The following NSMAF variants were observed in gnomAD, a reference collection of about 807,000 sequenced individuals.
NSMAF encodes the protein protein FAN.
NSMAF carries 90 observed loss-of-function variants against 134.9 expected under a neutral mutation model. That is an observed-to-expected ratio of 0.67 (90% CI 0.56 to 0.79). The LOEUF is 0.79. NSMAF is among the 30% of genes least tolerant of loss of function. NSMAF has a pLI of 0.00. For synonymous variants in NSMAF, 358 were observed against 389.6 expected (o/e 0.92, Z 0.96); for missense variants, 1,010 against 1,119.0 (o/e 0.90, Z 1.39).
intron 23 of NSMAF, among the ~76,000 whole-genome samples, chr8:58,592,289 G>A (rs187981975): frequency 6.6e-6 from 1 of 152,150 alleles, no homozygotes; most frequent in East Asian, 1.9e-4. Context: ...AGCAGCCTGG[G>A]TTCATTTCTC....
At chr8:58,623,472 A>T (rs1404631227) in intron 7 of NSMAF, 48 bp from the exon 8 acceptor site, 2 of 1,561,474 alleles carry the variant, frequency 1.3e-6, no homozygotes, top group South Asian at 2.3e-5. Context: ...CTCAGATGAT[A>T]TGAAGTATTT....
intron 13 of NSMAF, 51 bp downstream of exon 13, chr8:58,603,159 A>G (rs1317974111): frequency 6.6e-7 from 1 of 1,522,296 alleles, no homozygotes; most frequent in East Asian, 2.3e-5. Flanking sequence ...AAAACAATAC[A>G]GATGACTACT....
intron 26 of NSMAF, 59 bp from the exon 27 acceptor site, chr8:58,587,760 A>G: frequency 7.0e-7 from 1 of 1,438,210 alleles, no homozygotes; most frequent in Non-Finnish European, 9.7e-7. Context: ...GTCATTTTCT[A>G]GTGCATTCAA....
chr8:58,611,093 A>C (rs1218362948), intron 9 of NSMAF, among the ~76,000 whole-genome samples: 2 of 152,214 alleles, frequency 1.3e-5, no homozygotes, highest in Non-Finnish European at 2.9e-5. Flanking sequence ...CAAACTGCTC[A>C]ATAAAAAAAT....
intron 6 of NSMAF, among the ~76,000 whole-genome samples, chr8:58,628,376 G>A (rs771116422): frequency 6.6e-6 from 1 of 152,036 alleles, no homozygotes; most frequent in Non-Finnish European, 1.5e-5. Flanking sequence ...ACATCTTACA[G>A]TTATAATAAT....
intron 10 of NSMAF, 50 bp downstream of exon 10, chr8:58,609,554 A>G (rs1451253969): frequency 2.5e-6 from 4 of 1,606,986 alleles, no homozygotes; most frequent in South Asian, 1.1e-5. Context: ...CATGGTCTGG[A>G]AACAGCTTAA....
chr8:58,641,686 C>A (rs1807342088), intron 2 of NSMAF, among the ~76,000 whole-genome samples: 1 of 152,192 alleles, frequency 6.6e-6, no homozygotes, highest in Admixed American at 6.5e-5. Context: ...TTTACTAGTA[C>A]AAGTAGTGCT....
At chr8:58,630,346 T>G (rs1243293687) in intron 6 of NSMAF, among the ~76,000 whole-genome samples, 1 of 151,936 alleles carries the variant, frequency 6.6e-6, no homozygotes, top group Non-Finnish European at 1.5e-5. Context: ...GAGAATGCTT[T>G]GGTATTATAA....
At chr8:58,588,367 A>T (rs11774558) in intron 26 of NSMAF, 211,352 of 845,832 alleles carry the variant, frequency 0.25, 32,398 homozygotes, top group South Asian at 0.33. Context: ...GTTTCCATTT[A>T]ATTTTTCTCC....
Position 58,635,462 on chromosome 8 carries a change from ATTTACCTTGAT to A in NSMAF, c.223_228+5del. On this transcript the variant is annotated splice_donor_variant and splice_donor_5th_base_variant and coding_sequence_variant and intron_variant, in exon 3 of 31. Coordinates refer to ENST00000038176, the MANE Select transcript of NSMAF (RefSeq NM_003580.4). LOFTEE classifies it high-confidence loss of function. Reference sequence around the variant, plus strand: ...ATGTTTCTGTTCATATTTAAAATGTATTTACCTTGATGATGGGCTGGGATATTGAATCTGGT... The same window carrying A: ...ATGTTTCTGTTCATATTTAAAATGTAGATGGGCTGGGATATTGAATCTGGT... The A allele has an allele frequency of 6.3e-7, 1 of 1,595,062 alleles. No homozygotes were observed. Among genetic ancestry groups the A allele is most frequent in the Non-Finnish European group, 8.5e-7 (1 of 1,170,346 alleles).
At chr8:58,648,965 G>A (rs1404541652) in intron 1 of NSMAF, among the ~76,000 whole-genome samples, 1 of 152,240 alleles carries the variant, frequency 6.6e-6, no homozygotes, top group Non-Finnish European at 1.5e-5. Context: ...GTGGAGTTAT[G>A]AGAAGGGGGC....
chr8:58,589,818 T>C (rs928461169), intron 25 of NSMAF, 189 bp downstream of exon 25: 29 of 587,096 alleles, frequency 4.9e-5, no homozygotes, highest in Admixed American at 1.2e-4. Context: ...CAGACTCCAA[T>C]TGGAGAAATT....
At chr8:58,590,109 A>T (rs1805989104) in intron 24 of NSMAF, 35 bp from the exon 25 acceptor site, 1 of 1,552,600 alleles carries the variant, frequency 6.4e-7, no homozygotes, top group African/African-American at 1.4e-5. Flanking sequence ...AACAATCTAT[A>T]ATAATTAGTA....
In NSMAF at chr8:58,588,433, G is replaced by T. The variant is rs893253767; in HGVS notation, c.2212-732C>A. 33 of 1,243,318 alleles carry T rather than the reference G, an allele frequency of 2.7e-5. No homozygotes were observed. The African/African-American group carries it at 4.6e-4, about 17-fold the overall frequency. The allele number at this position is 1,243,318 out of a possible 1,614,324, so 77.0% of individuals were successfully genotyped here. A position where few individuals can be genotyped will look rare whatever the true frequency, so the allele number is the denominator to read the frequency against. ...CTCAGCTCCTTACATGGGCTTTGGTGGGGGACGTGGGGCAGCACCCGCAGG... is the reference window on the plus strand; with the variant it reads ...CTCAGCTCCTTACATGGGCTTTGGTTGGGGACGTGGGGCAGCACCCGCAGG... On this transcript the variant is annotated intron_variant, in intron 26 of 30. Transcript: ENST00000038176.
intron 1 of NSMAF, chr8:58,659,079 GTCGCCGGCCTGCTC>G: frequency 1.5e-5 from 12 of 809,638 alleles, no homozygotes; most frequent in Middle Eastern, 3.9e-4. Flanking sequence ...CGAGTGGGTG[GTCGCCGGCCTGCTC>G]GGTGCCGCCC....
chr8:58,619,598 G>A (rs1361037707), intron 9 of NSMAF, among the ~76,000 whole-genome samples: 1 of 152,046 alleles, frequency 6.6e-6, no homozygotes, highest in African/African-American at 2.4e-5. Flanking sequence ...TAGGGTTGCT[G>A]AAAACAAAAT....
intron 5 of NSMAF, among the ~76,000 whole-genome samples, chr8:58,632,851 A>T (rs894240495): frequency 6.6e-6 from 1 of 152,110 alleles, no homozygotes; most frequent in Non-Finnish European, 1.5e-5. Context: ...AACTCTCTTT[A>T]TCACTATAAA....
At chr8:58,592,670 C>A (rs1421708161) in intron 23 of NSMAF, among the ~76,000 whole-genome samples, 1 of 152,114 alleles carries the variant, frequency 6.6e-6, no homozygotes, top group East Asian at 1.9e-4. Flanking sequence ...GGTGGAACAC[C>A]TGAGGTCAGG....
chr8:58,597,769 C>T (rs1008548441), intron 20 of NSMAF, 91 bp downstream of exon 20: 296 of 1,044,144 alleles, frequency 2.8e-4, no homozygotes, highest in Non-Finnish European at 3.8e-4. Flanking sequence ...TTAAAATTTC[C>T]ATACCTCAAC....
Sources: allele counts gnomAD v4.1 joint callset (sites outside exome capture counted in the v4.1 genomes callset), GRCh38; gene constraint gnomAD v4.1.1; transcripts MANE v1.5; gene names NCBI Gene and HGNC (gene_info 2026-07-23, HGNC 2026-07-21).